The following MAMLD1 variants were observed in gnomAD, a reference collection of about 807,000 sequenced individuals.
MAMLD1 encodes the protein mastermind like domain containing 1, also known as mastermind-like domain-containing protein 1.
Under a neutral mutation model 45.0 loss-of-function variants are expected in MAMLD1, and 14 were observed. That is an observed-to-expected ratio of 0.31 (90% CI 0.21 to 0.49). The LOEUF (loss-of-function observed/expected upper bound fraction) is 0.49, where lower values mean the gene tolerates loss of function less well. MAMLD1 is among the 20% of genes least tolerant of loss of function. The pLI is 0.99. For synonymous variants in MAMLD1, 254 were observed against 247.8 expected (o/e 1.02, Z -0.24); for missense variants, 543 against 603.6 (o/e 0.90, Z 1.05).
chrX:150,395,634 G>A (rs1399989543), intron 1 of MAMLD1, among the ~76,000 whole-genome samples: 1 of 110,694 alleles, frequency 9.0e-6, no homozygotes, highest in Non-Finnish European at 1.9e-5. Context: ...TGTTTTGATT[G>A]TATATTTCTG....
intron 5 of MAMLD1, among the ~76,000 whole-genome samples, chrX:150,481,700 G>T (rs1021283037): frequency 1.8e-5 from 2 of 108,121 alleles, no homozygotes; most frequent in African/African-American, 3.4e-5. Flanking sequence ...GCATGGTGGC[G>T]TTGCCTGCAG....
intron 1 of MAMLD1, among the ~76,000 whole-genome samples, chrX:150,411,157 C>A (rs891019965): frequency 1.2e-4 from 13 of 111,792 alleles, no homozygotes; most frequent in East Asian, 1.1e-3. Flanking sequence ...GCATACCAGC[C>A]AGGCCAGGGT....
chrX:150,368,206 T>A (rs1180076074), intron 1 of MAMLD1, among the ~76,000 whole-genome samples: 1 of 110,874 alleles, frequency 9.0e-6, no homozygotes, highest in Non-Finnish European at 1.9e-5. Context: ...TTTCTCCACA[T>A]CCTCTCCAGC....
At chrX:150,498,292 A>G (rs2037449314) in intron 5 of MAMLD1, among the ~76,000 whole-genome samples, 1 of 111,703 alleles carries the variant, frequency 9.0e-6, no homozygotes, top group Non-Finnish European at 1.9e-5. Flanking sequence ...GAGTGCATAC[A>G]ACATGCCAGG....
chrX:150,463,950 A>G (rs919275680), intron 3 of MAMLD1, among the ~76,000 whole-genome samples: 3 of 111,991 alleles, frequency 2.7e-5, no homozygotes, highest in African/African-American at 9.7e-5. Flanking sequence ...TAAGAAAGCA[A>G]CAGAGGCCCA....
intron 1 of MAMLD1, among the ~76,000 whole-genome samples, chrX:150,383,577 A>T (rs781920276): frequency 9.0e-6 from 1 of 111,400 alleles, no homozygotes; most frequent in South Asian, 3.8e-4. Context: ...GCAGTTGTAA[A>T]TGGTATGTGT....
chrX:150,370,201 A>G (rs2031856643), intron 1 of MAMLD1, among the ~76,000 whole-genome samples: 1 of 109,709 alleles, frequency 9.1e-6, no homozygotes, highest in African/African-American at 3.3e-5. Flanking sequence ...ACCAATTCCC[A>G]TCATACACCT....
At chrX:150,469,338 T>C (rs1557406151) in intron 3 of MAMLD1, among the ~76,000 whole-genome samples, 1 of 112,680 alleles carries the variant, frequency 8.9e-6, no homozygotes, top group African/African-American at 3.2e-5. Flanking sequence ...GACTTCTGCA[T>C]AGTTTTGTTG....
intron 5 of MAMLD1, among the ~76,000 whole-genome samples, chrX:150,501,096 C>T (rs951876250): frequency 5.4e-5 from 6 of 111,740 alleles, no homozygotes; most frequent in African/African-American, 2.0e-4. Context: ...ACTACTGAGG[C>T]ACTGCGTATG....
chrX:150,504,019 C>T, intron 6 of MAMLD1: 1 of 753,343 alleles, frequency 1.3e-6, no homozygotes, highest in East Asian at 1.5e-4. Flanking sequence ...CCAAACCCCG[C>T]CCAGGACTCC....
At position 150,512,427 on chromosome X, in the gene MAMLD1, C is replaced by T. The variant is rs781822925; in HGVS notation, c.*468C>T. On this transcript the variant is annotated 3_prime_UTR_variant, in exon 8 of 8. Transcript: ENST00000370401. ...TTCAACAATGCTGCATGGGTCACAG[C>T]GGCAGCAGCTGTGACCACAGCAGTT... 1,085 of 1,153,155 alleles carry T rather than the reference C, an allele frequency of 9.4e-4. 1 individual carries two copies. The highest frequency in any genetic ancestry group is 1.2e-3 in the Non-Finnish European group (1,051 of 871,485).
chrX:150,425,428 A>G (rs1281846572), intron 1 of MAMLD1, among the ~76,000 whole-genome samples: 1 of 112,750 alleles, frequency 8.9e-6, no homozygotes, highest in Non-Finnish European at 1.9e-5. Flanking sequence ...GAATATTGAT[A>G]TATCTATTAG....
chrX:150,471,035 A>G lies in MAMLD1; in HGVS notation c.1462A>G (p.Asn488Asp). 8.3e-7 allele frequency: 1 copy of G among 1,211,884 alleles called. No homozygotes were observed. Among genetic ancestry groups the G allele is most frequent in the Non-Finnish European group, 1.1e-6 (1 of 895,584 alleles). ...SLIRSLTPTSNLLSQQQQQQQ... is the reference protein window; with the variant it reads ...SLIRSLTPTSDLLSQQQQQQQ... ...GATCCGAAGCCTCACTCCCACCAGT[A>G]ATCTTCTAAGCCAGCAACAGCAGCA... Residue 488 changes from asparagine to aspartate, a missense_variant, in exon 4 of 8, where the codon AAT (asparagine) becomes GAT (aspartate). Transcript: ENST00000370401.
chrX:150,469,870 T>C lies in MAMLD1; in HGVS notation c.297T>C (p.Ala99=), dbSNP rs1163449232. ...TCACCCTTGCAATGGGCCCAGGTGC[T>C]CATCCTAGTACTGCTTGTGCAGAAC... ...EDVTLAMGPG[A]HPSTACAELQ... The change falls in exon 4 of 8, where the codon GCT becomes GCC. Residue 99 remains alanine (A), a synonymous_variant. Coordinates refer to ENST00000370401, the MANE Select transcript of MAMLD1 (RefSeq NM_005491.5). 2 of 1,209,904 alleles carry C rather than the reference T, an allele frequency of 1.7e-6. No individual in the cohort carries two copies. The highest frequency in any genetic ancestry group is 3.5e-5 in the African/African-American group (2 of 57,144).
chrX:150,482,027 A>G (rs1008968255), intron 5 of MAMLD1, among the ~76,000 whole-genome samples: 4 of 107,332 alleles, frequency 3.7e-5, no homozygotes, highest in Non-Finnish European at 7.8e-5. Flanking sequence ...AAAGAAAGAA[A>G]GAAAGAATTG....
At chrX:150,457,923 G>A (rs1285050458) in intron 2 of MAMLD1, among the ~76,000 whole-genome samples, 3 of 111,795 alleles carry the variant, frequency 2.7e-5, no homozygotes, top group African/African-American at 9.8e-5. Flanking sequence ...CTTTTAAAAA[G>A]TTAATTTCAT....
At chrX:150,392,888 C>T (rs2033249749) in intron 1 of MAMLD1, among the ~76,000 whole-genome samples, 2 of 110,675 alleles carry the variant, frequency 1.8e-5, no homozygotes, top group South Asian at 7.8e-4. Context: ...CCTCCCCCCT[C>T]CCCCATTACC....
chrX:150,385,969 T>C (rs2032906051), intron 1 of MAMLD1, among the ~76,000 whole-genome samples: 1 of 111,392 alleles, frequency 9.0e-6, no homozygotes, highest in African/African-American at 3.3e-5. Flanking sequence ...CTTTTATGTC[T>C]TTGTCCTCAT....
upstream of MAMLD1, among the ~76,000 whole-genome samples, chrX:150,362,096 C>T (rs891305152): frequency 8.9e-6 from 1 of 112,106 alleles, no homozygotes; most frequent in Non-Finnish European, 1.9e-5. Flanking sequence ...CACTAACTGC[C>T]ACCTGAGAGC....
Sources: gnomAD v4.1 joint callset for allele counts (sites outside exome capture counted in the v4.1 genomes callset) on GRCh38, gnomAD v4.1.1 for gene constraint, MANE v1.5 for transcripts, NCBI Gene and HGNC (gene_info 2026-07-23, HGNC 2026-07-21) for gene names.